The following TMEM87A variants were observed in gnomAD, a reference collection of about 807,000 sequenced individuals.
The protein encoded by TMEM87A is Golgi-pH regulating cation channel.
Under a neutral mutation model 90.0 loss-of-function variants are expected in TMEM87A, and 50 were observed. That is an observed-to-expected ratio of 0.56 (90% confidence interval 0.44 to 0.70). The LOEUF (loss-of-function observed/expected upper bound fraction) is 0.70. Ranked by LOEUF, TMEM87A falls within the 30% of genes least tolerant of loss-of-function variation. TMEM87A has a pLI of 0.00. For synonymous variants in TMEM87A, 226 were observed against 226.7 expected, an observed-to-expected ratio of 1.00 and a Z score of 0.03; for missense variants, 577 against 660.5, an observed-to-expected ratio of 0.87 and a Z score of 1.39.
At chr15:42,217,886 G>C (rs1042156173) in intron 18 of TMEM87A, 53 bp from the exon 19 acceptor site, 7 of 1,559,542 alleles carry the variant, frequency 4.5e-6, no homozygotes, top group Non-Finnish European at 6.1e-6. Context: ...AGCCATAAAT[G>C]GTTCATAAAA....
chr15:42,240,006 G>T (rs1385187651), intron 7 of TMEM87A, among the ~76,000 whole-genome samples: 1 of 152,106 alleles, frequency 6.6e-6, no homozygotes, highest in African/African-American at 2.4e-5. Flanking sequence ...TCTTAAAAAA[G>T]ACTAGATTGA....
In TMEM87A at chr15:42,239,872, A is replaced by G. The variant is rs2050838657; in HGVS notation, c.623-141T>C. Reference sequence around the variant, plus strand: ...GCACTTCAATCCTGGTCAATATTACATTATATTTGTACAGCACTTGGAAAG... The same window carrying G: ...GCACTTCAATCCTGGTCAATATTACGTTATATTTGTACAGCACTTGGAAAG... On this transcript the variant is annotated intron_variant, in intron 7 of 19. Transcript: ENST00000389834. 4 of 738,048 alleles carry G rather than the reference A, an allele frequency of 5.4e-6. No individual in the cohort carries two copies. In the Admixed American group the frequency reaches 6.0e-5, roughly 11 times the overall value. The allele number at this position is 738,048 out of a possible 1,614,324, so 45.7% of individuals were successfully genotyped here. A position where few individuals can be genotyped will look rare whatever the true frequency, so the allele number is the denominator to read the frequency against.
intron 6 of TMEM87A, among the ~76,000 whole-genome samples, chr15:42,253,147 CG>C (rs898210393): frequency 1.3e-5 from 2 of 152,202 alleles, no homozygotes; most frequent in Non-Finnish European, 2.9e-5. Flanking sequence ...TGCACCCTGG[CG>C]CAATCCTTCA....
intron 7 of TMEM87A, among the ~76,000 whole-genome samples, chr15:42,240,031 C>G (rs1179104149): frequency 6.6e-6 from 1 of 152,226 alleles, no homozygotes; most frequent in African/African-American, 2.4e-5. Flanking sequence ...TTCCTCCACA[C>G]AGCCTTCTCT....
chr15:42,213,142 G>A (rs2050322697), intron 19 of TMEM87A, among the ~76,000 whole-genome samples: 1 of 152,196 alleles, frequency 6.6e-6, no homozygotes, highest in South Asian at 2.1e-4. Flanking sequence ...CCACATGATA[G>A]AGAGGAAACC....
Position 42,227,533 on chromosome 15 carries a change from A to G in TMEM87A, c.1299+178T>C, listed in dbSNP as rs1395710647. On this transcript the variant is annotated intron_variant, in intron 14 of 19. Transcript: ENST00000389834. ...GAAAAAACAAACAAAAAACTACTATACCAAGCACCATGATAGTACAGAATA... is the reference window on the plus strand; with the variant it reads ...GAAAAAACAAACAAAAAACTACTATGCCAAGCACCATGATAGTACAGAATA... 44 of 542,220 alleles carry G rather than the reference A, an allele frequency of 8.1e-5. 1 individual carries two copies. The highest frequency in any genetic ancestry group is 1.4e-4 in the Non-Finnish European group (42 of 308,812). The allele number at this position is 542,220 out of a possible 1,614,324, so 33.6% of individuals were successfully genotyped here. A position where few individuals can be genotyped will look rare whatever the true frequency, so the allele number is the denominator to read the frequency against.
At chr15:42,211,830 CA>C in intron 19 of TMEM87A, 81 bp from the exon 20 acceptor site, 1 of 1,228,982 alleles carries the variant, frequency 8.1e-7, no homozygotes, top group Non-Finnish European at 1.2e-6. Context: ...ACTATCCAAG[CA>C]AACATCTTCC....
At chr15:42,241,309 C>T (rs1188705791) in intron 7 of TMEM87A, among the ~76,000 whole-genome samples, 2 of 152,036 alleles carry the variant, frequency 1.3e-5, no homozygotes, top group East Asian at 3.8e-4. Context: ...CCCTCTCAGC[C>T]AGACTAGAAG....
Position 42,211,725 on chromosome 15 carries a change from T to C in TMEM87A, c.1651A>G (p.Arg551Gly). ...CCCATTCCTTACTCCATTTTGGACC[T>C]TTCAAAGTGTGTGATCATTCGTTCC... The part of the protein sequence containing the change: ...DEERMITHFE[R>G]SKME The change falls in exon 20 of 20, where the codon AGG becomes GGG. Residue 551 changes from arginine (R) to glycine (G), a missense_variant. Physicochemically the swap from Arg to Gly is moderately radical, Grantham distance 125. Transcript: ENST00000389834. 6.2e-7 allele frequency: 1 copy of C among 1,613,374 alleles called. No homozygotes were observed. Among genetic ancestry groups the C allele is most frequent in the Non-Finnish European group, 8.5e-7 (1 of 1,179,718 alleles).
intron 7 of TMEM87A, among the ~76,000 whole-genome samples, chr15:42,243,703 G>T (rs12324085): frequency 1.3e-5 from 2 of 151,760 alleles, no homozygotes; most frequent in African/African-American, 2.4e-5. Flanking sequence ...ATTTTTAGTA[G>T]AGACGGGGTT....
At chr15:42,264,004 G>T in intron 4 of TMEM87A, 86 bp downstream of exon 4, 1 of 953,152 alleles carries the variant, frequency 1.0e-6, no homozygotes, top group Non-Finnish European at 1.6e-6. Context: ...AGAAATACTT[G>T]AGAAGTCGGA....
At chr15:42,253,718 C>T (rs2051126736) in intron 6 of TMEM87A, among the ~76,000 whole-genome samples, 1 of 152,336 alleles carries the variant, frequency 6.6e-6, no homozygotes, top group African/African-American at 2.4e-5. Context: ...TGTAATGTAG[C>T]AGCTTCTTTC....
At chr15:42,234,060 G>C (rs1453427017) in intron 10 of TMEM87A, among the ~76,000 whole-genome samples, 2 of 151,980 alleles carry the variant, frequency 1.3e-5, no homozygotes, top group African/African-American at 4.8e-5. Context: ...GGGATTACAG[G>C]CATGAGCCAC....
intron 15 of TMEM87A, 41 bp from the exon 16 acceptor site, chr15:42,220,176 CT>C: frequency 6.8e-7 from 1 of 1,481,042 alleles, no homozygotes; most frequent in South Asian, 1.2e-5. Flanking sequence ...AATTAGAAAA[CT>C]TCAAAAACTG....
intron 10 of TMEM87A, 57 bp downstream of exon 10, chr15:42,236,263 T>C: frequency 1.4e-6 from 2 of 1,395,342 alleles, no homozygotes; most frequent in Non-Finnish European, 2.0e-6. Context: ...CATGCAATAC[T>C]GTTTTAATTT....
chr15:42,226,466 T>G lies in TMEM87A; in HGVS notation c.1403+340A>C, dbSNP rs187838026. ...CAAAATATGTATGTAACTCAATATC[T>G]GCTTTATCGTGATGGTCTGAAACCA... On this transcript the variant is annotated intron_variant, in intron 15 of 19. Transcript: ENST00000389834. The G allele has an allele frequency of 3.2e-3, 808 of 253,600 alleles. 2 individuals carry two copies. Among genetic ancestry groups the G allele is most frequent in the Non-Finnish European group, 4.3e-3 (566 of 130,646 alleles). 15.7% of individuals were successfully genotyped at this position (253,600 alleles called of 1,614,324 possible).
chr15:42,258,393 A>G, intron 6 of TMEM87A: 1 of 671,744 alleles, frequency 1.5e-6, no homozygotes, highest in Non-Finnish European at 1.8e-6. Context: ...CACAGTGAAT[A>G]TATACCTATT....
chr15:42,221,259 G>GAGAGAC (rs796468011), intron 15 of TMEM87A, among the ~76,000 whole-genome samples: 4 of 29,612 alleles, frequency 1.4e-4, no homozygotes, highest in African/African-American at 1.8e-4. Flanking sequence ...GAAAAGAAAG[G>GAGAGAC]AGAGACAGAG....
intron 4 of TMEM87A, among the ~76,000 whole-genome samples, chr15:42,263,432 C>G (rs1441009716): frequency 2.6e-5 from 4 of 152,030 alleles, no homozygotes; most frequent in Non-Finnish European, 5.9e-5. Flanking sequence ...TATGATGTTT[C>G]AGTTTGGGAT....
Sources: allele counts gnomAD v4.1 joint callset (sites outside exome capture counted in the v4.1 genomes callset), GRCh38; gene constraint gnomAD v4.1.1; transcripts MANE v1.5; gene names NCBI Gene and HGNC (gene_info 2026-07-23, HGNC 2026-07-21).